NPEPL1: variants seen among roughly 807,000 people sequenced by gnomAD.
NPEPL1 encodes the protein aminopeptidase like 1, also known as probable aminopeptidase NPEPL1.
Under a neutral mutation model 52.4 loss-of-function variants are expected in NPEPL1, and 45 were observed. That is an observed-to-expected ratio of 0.86 (90% confidence interval 0.68 to 1.10). The LOEUF (loss-of-function observed/expected upper bound fraction) is 1.10. NPEPL1 is among the 50% of genes least tolerant of loss of function. The probability of loss-of-function intolerance (pLI) is 0.00; values close to 1 mark genes in which losing one functional copy is unlikely to be tolerated. For synonymous variants in NPEPL1, 360 were observed against 314.7 expected, an observed-to-expected ratio of 1.14 and a Z score of -1.52; for missense variants, 696 against 710.9, an observed-to-expected ratio of 0.98 and a Z score of 0.24.
intron 2 of NPEPL1, among the ~76,000 whole-genome samples, chr20:58,694,165 C>T (rs979208504): frequency 6.6e-6 from 1 of 152,244 alleles, no homozygotes; most frequent in African/African-American, 2.4e-5. Context: ...GTGTCTGTCC[C>T]TCTGTCCCTC....
At chr20:58,690,800 A>G (rs544316374), upstream of NPEPL1, among the ~76,000 whole-genome samples, 2 of 152,318 alleles carry the variant, frequency 1.3e-5, no homozygotes, top group Non-Finnish European at 2.9e-5. Context: ...AACATCTCCA[A>G]AATGACCTCT....
chr20:58,691,440 A>G, upstream of NPEPL1: 1 of 685,658 alleles, frequency 1.5e-6, no homozygotes, highest in Admixed American at 2.1e-5. Context: ...GGAAAAAAAA[A>G]CAACAAAAAG....
At chr20:58,694,656 G>A (rs2084425344) in intron 3 of NPEPL1, 64 bp downstream of exon 3, 2 of 1,472,942 alleles carry the variant, frequency 1.4e-6, no homozygotes, top group East Asian at 2.6e-5. Context: ...GTGGGAGGGA[G>A]GTCGGGAGAG....
In NPEPL1 at chr20:58,699,328, G is replaced by A. The variant is rs187010458; in HGVS notation, c.679+50G>A. The A allele has an allele frequency of 6.5e-4, 942 of 1,443,884 alleles. 7 individuals carry two copies. In the African/African-American group the frequency reaches 0.012, roughly 18 times the overall value. 89.4% of individuals were successfully genotyped at this position (1,443,884 alleles called of 1,614,324 possible). On this transcript the variant is annotated intron_variant, in intron 5 of 11. Transcript: ENST00000356091. Reference sequence around the variant, plus strand: ...GCTCTTGGCCTCGGGCAGTGGCCAGGGGCACTTGGGTGGCAGGGGGTCGGC... The same window carrying A: ...GCTCTTGGCCTCGGGCAGTGGCCAGAGGCACTTGGGTGGCAGGGGGTCGGC...
upstream of NPEPL1, chr20:58,692,698 C>A (rs112916812): frequency 0.03 from 15,379 of 513,892 alleles, 267 homozygotes; most frequent in South Asian, 0.036. This position sits in a 1 kb window ranked among gnomAD's most constrained non-coding sequence, Gnocchi z 5.7. Flanking sequence ...CCGCACCCTT[C>A]CGCCCGGCCT....
chr20:58,711,288 C>T (rs1000526645), intron 7 of NPEPL1: 5 of 151,848 alleles, frequency 3.3e-5, no homozygotes, highest in African/African-American at 4.9e-5. Flanking sequence ...GTCATTTATT[C>T]GTTGTTCCTA....
chr20:58,694,016 G>A, intron 2 of NPEPL1, 94 bp downstream of exon 2: 3 of 1,240,246 alleles, frequency 2.4e-6, no homozygotes, highest in East Asian at 2.6e-5. Flanking sequence ...AGACTGCAGC[G>A]CACGCCCAGA....
Position 58,694,505 on chromosome 20 carries a change from C to T in NPEPL1, c.420C>T (p.Ala140=). The change falls in exon 3 of 12, where the codon GCC becomes GCT. Residue 140 remains alanine, a synonymous_variant. Transcript: ENST00000356091. ...CGCTGTTCACCCACCGCTCAGGTGC[C>T]TCTCGGCGCTTGGAGAAGAAGACGG... The part of the protein sequence containing the change: ...AFPLFTHRSG[A]SRRLEKKTVT... 1 of 1,614,042 alleles carries T rather than the reference C, an allele frequency of 6.2e-7. No homozygotes were observed. Among genetic ancestry groups the T allele is most frequent in the Non-Finnish European group, 8.5e-7 (1 of 1,179,894 alleles).
intron 1 of NPEPL1, 83 bp downstream of exon 1, chr20:58,693,133 C>T (rs2084389175): frequency 1.1e-6 from 1 of 919,464 alleles, no homozygotes; most frequent in African/African-American, 1.8e-5. Flanking sequence ...CCTCGCCCGC[C>T]GCACCCCCGC....
chr20:58,694,732 G>T (rs575328419), intron 3 of NPEPL1, 140 bp downstream of exon 3: 8 of 917,686 alleles, frequency 8.7e-6, no homozygotes, highest in East Asian at 5.7e-5. Flanking sequence ...TTCCTGGGAA[G>T]CGGCAGAGGC....
upstream of NPEPL1, chr20:58,689,271 T>G (rs2084309028): frequency 6.6e-6 from 1 of 151,164 alleles, no homozygotes; most frequent in Non-Finnish European, 1.5e-5. Flanking sequence ...TTTTCTTTCT[T>G]TTTTTTTTGT....
chr20:58,699,090 G>A (rs1420845747), intron 4 of NPEPL1, 107 bp from the exon 5 acceptor site: 9 of 1,083,260 alleles, frequency 8.3e-6, no homozygotes, highest in East Asian at 2.6e-5. Context: ...CCGGCTCCCC[G>A]ACGCGGCACA....
chr20:58,714,259 A>T (rs2084912684), intron 10 of NPEPL1, 166 bp downstream of exon 10: 5 of 692,298 alleles, frequency 7.2e-6, no homozygotes, highest in Non-Finnish European at 1.2e-5. Flanking sequence ...GAGTCATCCC[A>T]GACAGCGTGG....
intron 6 of NPEPL1, among the ~76,000 whole-genome samples, chr20:58,702,105 C>A (rs980171641): frequency 6.6e-6 from 1 of 152,244 alleles, no homozygotes; most frequent in Non-Finnish European, 1.5e-5. Context: ...GCAGACACTG[C>A]AAACTAGCAG....
At chr20:58,703,678 A>G (rs2084680857) in intron 6 of NPEPL1, 1 of 985,314 alleles carries the variant, frequency 1.0e-6, no homozygotes, top group Non-Finnish European at 1.2e-6. Flanking sequence ...ACCTGACTTC[A>G]TCTCATGTGG....
At chr20:58,704,318 A>G in intron 6 of NPEPL1, 1 of 985,380 alleles carries the variant, frequency 1.0e-6, no homozygotes, top group Non-Finnish European at 1.2e-6. Context: ...ATTTTCAAAG[A>G]TTTCAAGGGC....
intron 6 of NPEPL1, among the ~76,000 whole-genome samples, chr20:58,706,699 C>T (rs973469103): frequency 6.6e-6 from 1 of 151,422 alleles, no homozygotes; most frequent in African/African-American, 2.4e-5. Flanking sequence ...AGAGAGTGGC[C>T]CTGCAGACAG....
Position 58,712,514 on chromosome 20 carries a change from G to A in NPEPL1, c.936G>A (p.Leu312=), listed in dbSNP as rs200495337. 5.1e-5 allele frequency: 82 copies of A among 1,613,532 alleles called. No individual in the cohort carries two copies. In the Admixed American group the frequency reaches 7.7e-4, roughly 15 times the overall value. Residue 312 remains leucine (L), a synonymous_variant, in exon 8 of 12, where the codon TTG becomes TTA. Coordinates refer to ENST00000356091, the MANE Select transcript of NPEPL1 (RefSeq NM_024663.4). ...ACAACCTCCACGCTGTGTTCTGCTTGGCTGAGAACTCGGTGGGGCCCAATG... is the reference window on the plus strand; with the variant it reads ...ACAACCTCCACGCTGTGTTCTGCTTAGCTGAGAACTCGGTGGGGCCCAATG... The part of the protein sequence containing the change: ...FKDNLHAVFC[L]AENSVGPNAT...
At chr20:58,712,452 G>A (rs893392191) in intron 7 of NPEPL1, 27 bp from the exon 8 acceptor site, 4 of 1,531,858 alleles carry the variant, frequency 2.6e-6, no homozygotes, top group Non-Finnish European at 3.6e-6. Flanking sequence ...ACCTACAACT[G>A]GAGCCTCTGC....
Sources: allele counts gnomAD v4.1 joint callset (sites outside exome capture counted in the v4.1 genomes callset), GRCh38; gene constraint gnomAD v4.1.1; non-coding constraint Gnocchi (gnomAD v3.1); transcripts MANE v1.5; gene names NCBI Gene and HGNC (gene_info 2026-07-23, HGNC 2026-07-21).